The following PTK2 variants were observed in gnomAD, a reference collection of about 807,000 sequenced individuals.
PTK2 encodes the protein protein tyrosine kinase 2.
A neutral mutation model predicts 150.1 loss-of-function variants in PTK2; 45 were observed. The observed-to-expected ratio is 0.30, with a 90% CI of 0.24 to 0.38. The LOEUF is 0.38. PTK2 is among the 10% of genes least tolerant of loss of function. The pLI is 1.00. For missense variants in PTK2, 919 were observed against 1,307.3 expected (o/e 0.70, Z 4.58); for synonymous variants, 432 against 449.2 (o/e 0.96, Z 0.48).
At chr8:140,687,119 C>A in intron 26 of PTK2, 1 of 177,248 alleles carries the variant, frequency 5.6e-6, no homozygotes, top group Non-Finnish European at 1.2e-5. Flanking sequence ...GACTGTTTTC[C>A]CACACTGCAT....
chr8:140,713,207 A>G (rs1267119196), intron 23 of PTK2, among the ~76,000 whole-genome samples: 1 of 152,234 alleles, frequency 6.6e-6, no homozygotes. Context: ...ATTTCATCCC[A>G]CTGCCCTGAT....
chr8:140,850,275 A>C (rs1269184155), intron 5 of PTK2, among the ~76,000 whole-genome samples: 2 of 151,798 alleles, frequency 1.3e-5, no homozygotes, highest in Admixed American at 1.3e-4. Flanking sequence ...AAAATACAAA[A>C]ATTAGCTGGG....
chr8:140,960,609 A>G (rs1705016547), intron 1 of PTK2, among the ~76,000 whole-genome samples: 1 of 152,254 alleles, frequency 6.6e-6, no homozygotes, highest in African/African-American at 2.4e-5. Flanking sequence ...ATGATCTCAT[A>G]CTGAATGACT....
chr8:140,762,984 G>A (rs1024318181), intron 15 of PTK2, among the ~76,000 whole-genome samples: 4 of 152,130 alleles, frequency 2.6e-5, no homozygotes, highest in Non-Finnish European at 5.9e-5. Flanking sequence ...ATCTTGTTAT[G>A]TCACCTAGGT....
chr8:140,968,599 G>A (rs544674033), intron 1 of PTK2, among the ~76,000 whole-genome samples: 8 of 152,266 alleles, frequency 5.3e-5, no homozygotes, highest in African/African-American at 1.7e-4. Flanking sequence ...GCTCTTCACC[G>A]CTGTTCTATT....
chr8:140,663,869 C>A (rs777184320), intron 31 of PTK2, among the ~76,000 whole-genome samples: 5 of 152,128 alleles, frequency 3.3e-5, no homozygotes, highest in Admixed American at 2.6e-4. Flanking sequence ...GTTGCCCAGG[C>A]TGGTCATAAA....
intron 8 of PTK2, among the ~76,000 whole-genome samples, chr8:140,829,311 A>C (rs2100113867): frequency 6.6e-6 from 1 of 152,186 alleles, no homozygotes; most frequent in Admixed American, 6.5e-5. Flanking sequence ...ACTCAGGGAA[A>C]CAGTGACTAA....
chr8:140,946,705 T>A lies in PTK2; in HGVS notation c.-121-20956A>T, dbSNP rs73356544. Among the ~76,000 whole-genome samples the A allele has an allele frequency of 4.1e-3, 631 of 152,334 alleles. 7 individuals carry two copies. Among genetic ancestry groups the A allele is most frequent in the African/African-American group, 0.014 (599 of 41,576 alleles). On this transcript the variant is annotated intron_variant, in intron 1 of 31. Coordinates refer to ENST00000522684, the Ensembl canonical transcript of PTK2. ...ATTTAGACCTCAAATTCACTCATACTATGGCATTACTTTTTTCTCATCCCA... is the reference window on the plus strand; with the variant it reads ...ATTTAGACCTCAAATTCACTCATACAATGGCATTACTTTTTTCTCATCCCA...
intron 7 of PTK2, among the ~76,000 whole-genome samples, chr8:140,838,142 G>A (rs6982216): frequency 0.4 from 61,408 of 152,044 alleles, 14,583 homozygotes; most frequent in Non-Finnish European, 0.54. Context: ...AATTCCTGCC[G>A]GAATCTAATA....
intron 2 of PTK2, among the ~76,000 whole-genome samples, chr8:140,910,196 T>A (rs568456536): frequency 6.6e-6 from 1 of 152,282 alleles, no homozygotes; most frequent in South Asian, 2.1e-4. Flanking sequence ...TAACAGTATT[T>A]TGTTTCTTAG....
At chr8:140,719,987 A>G (rs1168088013) in intron 22 of PTK2, among the ~76,000 whole-genome samples, 1 of 152,046 alleles carries the variant, frequency 6.6e-6, no homozygotes, top group East Asian at 1.9e-4. Context: ...GATGAGCACT[A>G]GAGAAGAGCT....
chr8:140,938,314 T>C (rs1052217872), intron 1 of PTK2, among the ~76,000 whole-genome samples: 1 of 152,174 alleles, frequency 6.6e-6, no homozygotes, highest in African/African-American at 2.4e-5. Context: ...TTCCCAGGCA[T>C]TGATAAAGGT....
chr8:140,752,133 TA>T, intron 17 of PTK2, 98 bp downstream of exon 20: 1 of 1,050,494 alleles, frequency 9.5e-7, no homozygotes. Flanking sequence ...AGTTGTCTCC[TA>T]AAAGTCAAAA....
At chr8:140,790,109 A>G (rs538612048) in intron 13 of PTK2, among the ~76,000 whole-genome samples, 2 of 152,360 alleles carry the variant, frequency 1.3e-5, no homozygotes, top group Admixed American at 6.5e-5. Flanking sequence ...ATTTTGGCCA[A>G]AAGTCTTGGT....
At chr8:140,917,111 C>T (rs547273882) in intron 2 of PTK2, among the ~76,000 whole-genome samples, 2 of 152,264 alleles carry the variant, frequency 1.3e-5, no homozygotes, top group East Asian at 3.9e-4. Flanking sequence ...GTAAAATTGA[C>T]CAGGTGTGGT....
At chr8:140,678,723 C>A (rs539759302) in intron 27 of PTK2, among the ~76,000 whole-genome samples, 1 of 152,104 alleles carries the variant, frequency 6.6e-6, no homozygotes, top group Non-Finnish European at 1.5e-5. Context: ...AGCCTTGTAG[C>A]AACCCGGGAG....
At chr8:140,840,727 C>T (rs1387783036) in intron 7 of PTK2, among the ~76,000 whole-genome samples, 2 of 151,982 alleles carry the variant, frequency 1.3e-5, no homozygotes, top group East Asian at 1.9e-4. Flanking sequence ...TCTAGGACAC[C>T]GGAAATAAAT....
chr8:140,660,725 T>C (rs548885329), intron 31 of PTK2: 1 of 421,088 alleles, frequency 2.4e-6, no homozygotes, highest in Admixed American at 2.5e-5. Flanking sequence ...GACCATTATG[T>C]ACGCCCCTCC....
chr8:140,762,593 C>G (rs1439453417), intron 15 of PTK2, among the ~76,000 whole-genome samples: 2 of 152,068 alleles, frequency 1.3e-5, no homozygotes, highest in African/African-American at 2.4e-5. Flanking sequence ...TTAAACAATG[C>G]TTTTAAGTTC....
Sources: gnomAD v4.1 joint callset for allele counts (sites outside exome capture counted in the v4.1 genomes callset) on GRCh38, gnomAD v4.1.1 for gene constraint, MANE v1.5 for transcripts, NCBI Gene and HGNC (gene_info 2026-07-23, HGNC 2026-07-21) for gene names.